Variants in MNT observed in about 807,000 individuals in gnomAD.
The protein encoded by MNT is MAX network transcriptional repressor.
Under a neutral mutation model 40.7 loss-of-function variants are expected in MNT, and 13 were observed. That is an observed-to-expected ratio of 0.32 (90% CI 0.21 to 0.51). MNT has a LOEUF of 0.51. Among genes scored for constraint, MNT ranks in the 20% least tolerant of loss-of-function variants. MNT has a pLI of 0.98. For synonymous variants in MNT, 426 were observed against 354.8 expected (o/e 1.20, Z -2.26); for missense variants, 757 against 792.0 (o/e 0.96, Z 0.53).
rs1597420029 is a variant in MNT at position 2,394,058 on chromosome 17, C to T, written c.792G>A (p.Ala264=). Residue 264 remains alanine, a synonymous_variant, in exon 4 of 6, where the codon GCG becomes GCA. Transcript: ENST00000174618. ...KTSNLSVLRT[A]LRYIQSLKRK... ...GGCCCCATACCTGGATGTACCGCAG[C>T]GCCGTCCGCAGCACGCTCAGATTGG... is the stretch of plus-strand genomic sequence containing the variant. 3 of 1,604,502 alleles carry T rather than the reference C, an allele frequency of 1.9e-6. No individual in the cohort carries two copies. Among genetic ancestry groups the T allele is most frequent in the South Asian group, 2.2e-5 (2 of 90,272 alleles).
intron 2 of MNT, among the ~76,000 whole-genome samples, 167 bp downstream of exon 2, chr17:2,394,708 G>A (rs988533122): frequency 2.0e-5 from 3 of 152,174 alleles, no homozygotes; most frequent in African/African-American, 7.2e-5. Context: ...CCTGGGAACG[G>A]GGGGCAATGG....
At position 2,387,549 on chromosome 17, in the gene MNT, G is replaced by C. The variant is rs370886078; in HGVS notation, c.1101C>G (p.Thr367=). ...CAGGGGTGGTGCTGGGGGGTGGCAG[G>C]GTGGACTTCAGCAGCTCCGGCTGGG... is the stretch of plus-strand genomic sequence containing the variant. The part of the protein sequence containing the change: ...HRPQPELLKS[T]LPPPSTTPAP... The change falls in exon 6 of 6, where the codon ACC becomes ACG. Residue 367 remains threonine (T), a synonymous_variant. Coordinates refer to ENST00000174618, the MANE Select transcript of MNT (RefSeq NM_020310.3). The C allele has an allele frequency of 1.2e-6, 2 of 1,613,932 alleles. No individual in the cohort carries two copies. Among genetic ancestry groups the C allele is most frequent in the South Asian group, 2.2e-5 (2 of 91,080 alleles).
chr17:2,386,892 G>T lies in MNT; in HGVS notation c.*9C>A. The T allele has an allele frequency of 6.8e-7, 1 of 1,460,212 alleles. No individual in the cohort carries two copies. The highest frequency in any genetic ancestry group is 9.1e-7 in the Non-Finnish European group (1 of 1,103,724). The allele number at this position is 1,460,212 out of a possible 1,614,324, so 90.5% of individuals were successfully genotyped here. A position where few individuals can be genotyped will look rare whatever the true frequency, so the allele number is the denominator to read the frequency against. ...TGTCCCCACTGGGGGCCTCTGAGTG[G>T]CCTCGTCCTCAAGCCAGCTTGAGTG... On this transcript the variant is annotated 3_prime_UTR_variant, in exon 6 of 6. Transcript: ENST00000174618.
intron 1 of MNT, among the ~76,000 whole-genome samples, chr17:2,395,848 C>T (rs1023909184): frequency 2.6e-5 from 4 of 152,034 alleles, no homozygotes; most frequent in African/African-American, 4.8e-5. Context: ...ACCACAGGGC[C>T]GAGGTGGGAG....
Position 2,386,534 on chromosome 17 carries a change from A to T in MNT, c.*367T>A. 4.6e-6 allele frequency: 1 copy of T among 216,112 alleles called. No individual in the cohort carries two copies. The highest frequency in any genetic ancestry group is 9.2e-6 in the Non-Finnish European group (1 of 108,758). The allele number at this position is 216,112 out of a possible 1,614,324, so 13.4% of individuals were successfully genotyped here. A position where few individuals can be genotyped will look rare whatever the true frequency, so the allele number is the denominator to read the frequency against. ...GGCCACCTCACCAGACAGCAATAGCAGCAGCAGCACACGAAGGCGGGGCAG... is the reference window on the plus strand; with the variant it reads ...GGCCACCTCACCAGACAGCAATAGCTGCAGCAGCACACGAAGGCGGGGCAG... On this transcript the variant is annotated 3_prime_UTR_variant, in exon 6 of 6. Coordinates refer to ENST00000174618, the MANE Select transcript of MNT (RefSeq NM_020310.3).
chr17:2,388,060 G>A lies in MNT; in HGVS notation c.808-11C>T, dbSNP rs1479296201. 3.2e-6 allele frequency: 5 copies of A among 1,550,656 alleles called. No individual in the cohort carries two copies. Among genetic ancestry groups the A allele is most frequent in the Non-Finnish European group, 4.4e-6 (5 of 1,145,340 alleles). ...CTTCCTCTTCAGGGACTGGCACACA[G>A]AGTAAGGGACAGCAGGACACCCTGA... is the stretch of plus-strand genomic sequence containing the variant. On this transcript the variant is annotated splice_polypyrimidine_tract_variant and intron_variant, in intron 4 of 5. Coordinates refer to ENST00000174618, the MANE Select transcript of MNT (RefSeq NM_020310.3).
At chr17:2,399,324 G>A (rs1265363841) in intron 1 of MNT, among the ~76,000 whole-genome samples, 2 of 152,164 alleles carry the variant, frequency 1.3e-5, no homozygotes, top group Admixed American at 6.5e-5. Context: ...GTGAAGATAG[G>A]AGTCATTAGT....
chr17:2,394,796 C>T, intron 2 of MNT, 79 bp downstream of exon 2: 1 of 1,027,054 alleles, frequency 9.7e-7, no homozygotes, highest in Non-Finnish European at 1.5e-6. Context: ...CTGGGGAGGG[C>T]ACCTTGTCTT....
intron 1 of MNT, among the ~76,000 whole-genome samples, chr17:2,398,662 C>T (rs1161620273): frequency 1.3e-5 from 2 of 152,234 alleles, no homozygotes; most frequent in Admixed American, 6.5e-5. Flanking sequence ...GTGACCAGGC[C>T]GCTGAACTCG....
Position 2,400,765 on chromosome 17 carries a change from C to A in MNT, c.-53G>T. The A allele has an allele frequency of 6.8e-7, 1 of 1,468,780 alleles. No homozygotes were observed. The highest frequency in any genetic ancestry group is 9.0e-7 in the Non-Finnish European group (1 of 1,109,080). 91.0% of individuals were successfully genotyped at this position (1,468,780 alleles called of 1,614,324 possible). On this transcript the variant is annotated 5_prime_UTR_variant, in exon 1 of 6. Transcript: ENST00000174618. ...GGGGCCGAGGCTGCGGCCCGCGAGC[C>A]GGGCACAGGTCAGGCTGGCGGGCAG...
chr17:2,399,349 G>A (rs911483985), intron 1 of MNT, among the ~76,000 whole-genome samples: 2 of 152,180 alleles, frequency 1.3e-5, no homozygotes, highest in Non-Finnish European at 2.9e-5. Flanking sequence ...TCCCTTTCGA[G>A]GGAGCGCCGA....
At position 2,388,008 on chromosome 17, in the gene MNT, C is replaced by T. The variant is rs1283075848; in HGVS notation, c.849G>A (p.Glu283=). 4 of 1,570,272 alleles carry T rather than the reference C, an allele frequency of 2.5e-6. No homozygotes were observed. The highest frequency in any genetic ancestry group is 3.7e-5 in the Admixed American group (2 of 54,414). Reference sequence around the variant, plus strand: ...TGGCAATCTTCTCACGTGCCAGCCGCTCCATTTCATGCTCATATTCCTTCT... The same window carrying T: ...TGGCAATCTTCTCACGTGCCAGCCGTTCCATTTCATGCTCATATTCCTTCT... ...RKEKEYEHEM[E]RLAREKIATQ... Residue 283 remains glutamate (E), a synonymous_variant, in exon 5 of 6, where the codon GAG becomes GAA. Transcript: ENST00000174618.
At position 2,395,319 on chromosome 17, in the gene MNT, G is replaced by A. The variant is rs748869504; in HGVS notation, c.209C>T (p.Pro70Leu). Reference protein sequence around the residue: ...MEAPPLPLSPPAPPPAPPPPL... With the variant: ...MEAPPLPLSPLAPPPAPPPPL... The stretch of plus-strand genomic sequence containing the variant: ...TGGTGGGGGTGCCGGCGGGGGAGCC[G>A]GTGGAGACAGAGGCAGGGGTGGCGC... The change falls in exon 2 of 6, where the codon CCG becomes CTG. Residue 70 changes from proline (P) to leucine (L), a missense_variant. Around this residue, in one of 4 missense-constraint regions of MNT, gnomAD observed 335 missense variants for 291.4 expected, o/e 1.15. Coordinates refer to ENST00000174618, the MANE Select transcript of MNT (RefSeq NM_020310.3). 12 of 1,606,624 alleles carry A rather than the reference G, an allele frequency of 7.5e-6. No homozygotes were observed. Among genetic ancestry groups the A allele is most frequent in the Non-Finnish European group, 1.0e-5 (12 of 1,176,820 alleles).
intron 4 of MNT, chr17:2,388,374 T>A: frequency 3.1e-6 from 1 of 325,704 alleles, no homozygotes; most frequent in Non-Finnish European, 5.7e-6. Context: ...AGCAGCCTCT[T>A]CACTTTGCAC....
intron 2 of MNT, among the ~76,000 whole-genome samples, 159 bp downstream of exon 2, chr17:2,394,716 T>C (rs1280607359): frequency 2.6e-5 from 4 of 152,032 alleles, no homozygotes; most frequent in Non-Finnish European, 5.9e-5. Context: ...CGGGGGGCAA[T>C]GGGACATTCC....
chr17:2,386,556 G>A lies in MNT; in HGVS notation c.*345C>T. 1 of 277,588 alleles carries A rather than the reference G, an allele frequency of 3.6e-6. No individual in the cohort carries two copies. The highest frequency in any genetic ancestry group is 4.9e-5 in the Admixed American group (1 of 20,410). 17.2% of individuals were successfully genotyped at this position (277,588 alleles called of 1,614,324 possible). A position where few individuals can be genotyped will look rare whatever the true frequency, so the allele number is the denominator to read the frequency against. On this transcript the variant is annotated 3_prime_UTR_variant, in exon 6 of 6. Transcript: ENST00000174618. ...AGCAGCAGCAGCACACGAAGGCGGG[G>A]CAGGGCGGGGGAGAAGTCAGGGAGC...
chr17:2,394,488 GC>G, intron 2 of MNT, 142 bp from the exon 3 acceptor site: 2 of 1,197,076 alleles, frequency 1.7e-6, no homozygotes, highest in Non-Finnish European at 2.4e-6. Flanking sequence ...TTCGCCCTGT[GC>G]CATGCTGCGC....
intron 2 of MNT, 71 bp from the exon 3 acceptor site, chr17:2,394,417 ACCCGCAAAATTG>A: frequency 3.7e-6 from 6 of 1,605,292 alleles, no homozygotes; most frequent in Non-Finnish European, 5.1e-6. Flanking sequence ...CAGCGCCGCC[ACCCGCAAAATTG>A]CCACAGGCTG....
intron 4 of MNT, chr17:2,390,172 G>A (rs548756888): frequency 6.6e-6 from 1 of 152,402 alleles, no homozygotes; most frequent in South Asian, 2.1e-4. Flanking sequence ...AGGCGGCCAG[G>A]AAGAGCTACG....
Sources: gnomAD v4.1 joint callset for allele counts (sites outside exome capture counted in the v4.1 genomes callset) on GRCh38, gnomAD v4.1.1 for gene constraint, gnomAD v4.1.1 regional missense constraint, MANE v1.5 for transcripts, NCBI Gene and HGNC (gene_info 2026-07-23, HGNC 2026-07-21) for gene names.